KIF16B: variants seen among roughly 807,000 people sequenced by gnomAD.
The protein encoded by KIF16B is kinesin family member 16B.
In KIF16B, 98 loss-of-function variants were observed where a neutral mutation model predicts 156.3. The observed-to-expected ratio is 0.63, with a 90% CI of 0.53 to 0.74. KIF16B has a LOEUF of 0.74. Ranked by LOEUF, KIF16B falls within the 30% of genes least tolerant of loss-of-function variation. The pLI is 0.00. For missense variants in KIF16B, 1,421 were observed against 1,606.5 expected (o/e 0.88, Z 1.97); for synonymous variants, 564 against 583.7 (o/e 0.97, Z 0.49).
At chr20:16,301,407 G>A (rs778651033) in intron 25 of KIF16B, among the ~76,000 whole-genome samples, 7 of 152,120 alleles carry the variant, frequency 4.6e-5, no homozygotes, top group Non-Finnish European at 7.4e-5. Context: ...GTAAGAAATC[G>A]CCAAAACTGT....
Position 16,374,312 on chromosome 20 carries a change from A to G in KIF16B, c.3295T>C (p.Ser1099Pro), listed in dbSNP as rs1485928529. The G allele has an allele frequency of 1.0e-5, 16 of 1,604,234 alleles. No homozygotes were observed. Among genetic ancestry groups the G allele is most frequent in the Non-Finnish European group, 1.3e-5 (15 of 1,173,980 alleles). Residue 1099 changes from serine (S) to proline (P), a missense_variant, in exon 20 of 26, where the codon TCC (serine) becomes CCC (proline). Physicochemically the swap from Ser to Pro is moderately conservative, Grantham distance 74 (BLOSUM62 -1). Transcript: ENST00000354981. The part of the protein sequence containing the change: ...HGTLEGKVAS[S>P]SLPVSAEKSH... ...TTTTCAGCACTGACTGGCAAGCTGG[A>G]AGAAGCCACCTTCCCTTCCAGGGTC...
chr20:16,571,487 T>A (rs1173488626), intron 1 of KIF16B, among the ~76,000 whole-genome samples: 18 of 152,168 alleles, frequency 1.2e-4, no homozygotes, highest in Admixed American at 1.2e-3. Flanking sequence ...AACTCACAGT[T>A]CCTGTCCCAG....
chr20:16,441,899 T>A (rs542386176), intron 12 of KIF16B, among the ~76,000 whole-genome samples: 33 of 152,350 alleles, frequency 2.2e-4, no homozygotes, highest in African/African-American at 7.5e-4. Context: ...TTTATCTATA[T>A]CTGTCTCTGT....
At chr20:16,325,513 C>G (rs2063831755) in intron 24 of KIF16B, among the ~76,000 whole-genome samples, 1 of 150,552 alleles carries the variant, frequency 6.6e-6, no homozygotes, top group African/African-American at 2.4e-5. Flanking sequence ...CAACAGCAAC[C>G]AAGCGGAGAA....
At chr20:16,403,931 G>C (rs4814490) in intron 17 of KIF16B, among the ~76,000 whole-genome samples, 14,595 of 152,248 alleles carry the variant, frequency 0.096, 931 homozygotes, top group East Asian at 0.23. Flanking sequence ...ATGAGTGATG[G>C]AATCAGATAG....
Position 16,505,867 on chromosome 20 carries a change from GA to G in KIF16B, c.869-15del. 6.2e-7 allele frequency: 1 copy of G among 1,612,722 alleles called. No individual in the cohort carries two copies. Among genetic ancestry groups the G allele is most frequent in the Non-Finnish European group, 8.5e-7 (1 of 1,179,610 alleles). Reference sequence around the variant, plus strand: ...GAGATAAATCAGCTATGAAAAGGAAGAAACAAAGGGGAGAAAGGACAATTAG... The same window carrying G: ...GAGATAAATCAGCTATGAAAAGGAAGAACAAAGGGGAGAAAGGACAATTAG... On this transcript the variant is annotated splice_polypyrimidine_tract_variant and intron_variant, in intron 8 of 25. Coordinates refer to ENST00000354981, the MANE Select transcript of KIF16B (RefSeq NM_024704.5).
intron 12 of KIF16B, among the ~76,000 whole-genome samples, chr20:16,445,388 A>C (rs2066905118): frequency 6.7e-6 from 1 of 149,180 alleles, no homozygotes; most frequent in Non-Finnish European, 1.5e-5. Context: ...ATTCATTCTT[A>C]TTTATTCATT....
At chr20:16,529,052 C>T (rs150147635) in intron 1 of KIF16B, among the ~76,000 whole-genome samples, 80 of 152,290 alleles carry the variant, frequency 5.3e-4, no homozygotes, top group Middle Eastern at 3.4e-3. Context: ...TCTGTTATGG[C>T]GTGGCCACTG....
At chr20:16,292,308 T>G (rs2063325052) in intron 25 of KIF16B, among the ~76,000 whole-genome samples, 1 of 152,218 alleles carries the variant, frequency 6.6e-6, no homozygotes, top group Non-Finnish European at 1.5e-5. Context: ...AACAAACTGA[T>G]GTTCTCATCC....
intron 15 of KIF16B, among the ~76,000 whole-genome samples, chr20:16,409,036 G>C (rs1427353432): frequency 1.2e-4 from 19 of 152,078 alleles, no homozygotes; most frequent in Admixed American, 1.2e-3. Context: ...AAAAATGTCA[G>C]AGAGAGAGAT....
intron 24 of KIF16B, among the ~76,000 whole-genome samples, chr20:16,321,093 G>A (rs541087685): frequency 2.6e-5 from 4 of 151,940 alleles, no homozygotes; most frequent in South Asian, 2.1e-4. Context: ...CCTATTCTTC[G>A]ATTTTAATTT....
chr20:16,558,027 G>A (rs1352715452), intron 1 of KIF16B, among the ~76,000 whole-genome samples: 4 of 152,098 alleles, frequency 2.6e-5, no homozygotes, highest in Admixed American at 1.3e-4. Context: ...ATAGAGGGGG[G>A]ACAGGAAACA....
At chr20:16,475,400 T>C (rs988716468) in intron 12 of KIF16B, among the ~76,000 whole-genome samples, 5 of 152,366 alleles carry the variant, frequency 3.3e-5, no homozygotes, top group South Asian at 2.1e-4. Context: ...CTGGATTACA[T>C]AGAATTTGGT....
chr20:16,310,920 G>C (rs563091793), intron 25 of KIF16B, among the ~76,000 whole-genome samples: 1 of 152,206 alleles, frequency 6.6e-6, no homozygotes, highest in African/African-American at 2.4e-5. Context: ...ACTCTAAAAT[G>C]CTCCTCATAG....
chr20:16,481,389 C>T (rs889368683), intron 12 of KIF16B, among the ~76,000 whole-genome samples: 3 of 152,230 alleles, frequency 2.0e-5, no homozygotes, highest in Non-Finnish European at 4.4e-5. Flanking sequence ...CAGGGTCTCT[C>T]TATGTTGCCC....
At chr20:16,432,572 G>A (rs766318667) in intron 12 of KIF16B, among the ~76,000 whole-genome samples, 1 of 152,152 alleles carries the variant, frequency 6.6e-6, no homozygotes, top group Non-Finnish European at 1.5e-5. Flanking sequence ...GCTAGTGTAA[G>A]ACCATTAAAG....
chr20:16,309,330 TACTCTTG>T (rs1421948818), intron 25 of KIF16B, among the ~76,000 whole-genome samples: 3 of 152,178 alleles, frequency 2.0e-5, no homozygotes, highest in Non-Finnish European at 4.4e-5. Flanking sequence ...ATCACATTCT[TACTCTTG>T]CCTTTATGTG....
intron 19 of KIF16B, among the ~76,000 whole-genome samples, chr20:16,376,803 A>T (rs2064962250): frequency 6.6e-6 from 1 of 152,188 alleles, no homozygotes; most frequent in South Asian, 2.1e-4. Context: ...TGCACACTAC[A>T]GGCTACAAAT....
At chr20:16,374,437 T>C in intron 19 of KIF16B, 28 bp from the exon 20 acceptor site, 1 of 1,487,002 alleles carries the variant, frequency 6.7e-7, no homozygotes, top group Non-Finnish European at 9.0e-7. Context: ...ACATAATTCA[T>C]TCATTAATAG....
Sources: gnomAD v4.1 joint callset for allele counts (sites outside exome capture counted in the v4.1 genomes callset) on GRCh38, gnomAD v4.1.1 for gene constraint, MANE v1.5 for transcripts, NCBI Gene and HGNC (gene_info 2026-07-23, HGNC 2026-07-21) for gene names.